Variants in LRRC4C observed in about 807,000 individuals in gnomAD.
LRRC4C encodes the protein leucine rich repeat containing 4C, also known as leucine-rich repeat-containing protein 4C.
A neutral mutation model predicts 33.6 loss-of-function variants in LRRC4C; 5 were observed. The observed-to-expected ratio is 0.15, with a 90% CI of 0.08 to 0.31. The LOEUF is 0.31. Ranked by LOEUF, LRRC4C falls within the 10% of genes least tolerant of loss-of-function variation. LRRC4C has a pLI of 1.00. For missense variants in LRRC4C, 560 were observed against 796.7 expected, an observed-to-expected ratio of 0.70 and a Z score of 3.58; for synonymous variants, 329 against 302.0, an observed-to-expected ratio of 1.09 and a Z score of -0.93.
chr11:40,640,267 A>T (rs762036453), intron 3 of LRRC4C, among the ~76,000 whole-genome samples: 2 of 152,146 alleles, frequency 1.3e-5, no homozygotes, highest in Non-Finnish European at 2.9e-5. Context: ...TTGTGTTAAG[A>T]TATTTCTCAT....
At chr11:41,104,809 A>G (rs1469353816) in intron 1 of LRRC4C, among the ~76,000 whole-genome samples, 1 of 151,994 alleles carries the variant, frequency 6.6e-6, no homozygotes, top group Admixed American at 6.6e-5. Flanking sequence ...TATGAAATCA[A>G]TATATCTCAA....
At chr11:40,365,067 G>A (rs1948146556) in intron 3 of LRRC4C, among the ~76,000 whole-genome samples, 1 of 146,332 alleles carries the variant, frequency 6.8e-6, no homozygotes, top group African/African-American at 2.5e-5. Flanking sequence ...AACCACTTCA[G>A]ACAGAAGGAA....
intron 1 of LRRC4C, among the ~76,000 whole-genome samples, chr11:41,301,198 G>A (rs1428505416): frequency 6.6e-6 from 1 of 152,146 alleles, no homozygotes; most frequent in African/African-American, 2.4e-5. Context: ...GAGTTGAAGT[G>A]GATGCTTGCC....
At chr11:40,865,908 A>G (rs1954340597) in intron 2 of LRRC4C, among the ~76,000 whole-genome samples, 1 of 152,022 alleles carries the variant, frequency 6.6e-6, no homozygotes, top group Admixed American at 6.6e-5. Context: ...CCGAAGAGTG[A>G]AAACTATGTT....
chr11:40,442,366 A>G (rs1256543563), intron 3 of LRRC4C, among the ~76,000 whole-genome samples: 2 of 152,132 alleles, frequency 1.3e-5, no homozygotes, highest in Non-Finnish European at 2.9e-5. Flanking sequence ...CTAATTTACA[A>G]AATATTTATG....
chr11:40,886,544 TTC>T (rs575029036), intron 2 of LRRC4C, among the ~76,000 whole-genome samples: 11 of 151,184 alleles, frequency 7.3e-5, no homozygotes, highest in Non-Finnish European at 1.3e-4. Flanking sequence ...CAAAAGGGAG[TTC>T]TCTCTTTTTT....
At chr11:40,451,634 C>T (rs891338566) in intron 3 of LRRC4C, among the ~76,000 whole-genome samples, 6 of 151,964 alleles carry the variant, frequency 3.9e-5, no homozygotes, top group Non-Finnish European at 7.4e-5. Flanking sequence ...GTCCACCCGC[C>T]TTGGCCTCCC....
chr11:40,644,910 G>A (rs1256134043), intron 3 of LRRC4C, among the ~76,000 whole-genome samples: 1 of 151,100 alleles, frequency 6.6e-6, no homozygotes, highest in Non-Finnish European at 1.5e-5. Flanking sequence ...TATTGTCATT[G>A]GGTATAAAGG....
chr11:40,826,416 G>T (rs1952171978), intron 2 of LRRC4C, among the ~76,000 whole-genome samples: 1 of 151,916 alleles, frequency 6.6e-6, no homozygotes, highest in South Asian at 2.1e-4. Flanking sequence ...TACTTTTGAG[G>T]CAGGAAGAGA....
At chr11:41,290,954 C>T (rs1420781300) in intron 1 of LRRC4C, among the ~76,000 whole-genome samples, 3 of 152,118 alleles carry the variant, frequency 2.0e-5, no homozygotes, top group African/African-American at 4.8e-5. Flanking sequence ...AATTCCAGAA[C>T]ATCAACTTTC....
chr11:40,755,867 C>T (rs1039603718), intron 2 of LRRC4C, among the ~76,000 whole-genome samples: 3 of 151,940 alleles, frequency 2.0e-5, no homozygotes, highest in African/African-American at 7.3e-5. Flanking sequence ...GCTAAATTGC[C>T]CCTCTCCTGC....
chr11:40,926,781 A>G (rs1156725800), intron 2 of LRRC4C, among the ~76,000 whole-genome samples: 2 of 152,182 alleles, frequency 1.3e-5, no homozygotes, highest in Admixed American at 1.3e-4. Flanking sequence ...AAACCTTAAA[A>G]GTTAAAAAAA....
intron 2 of LRRC4C, among the ~76,000 whole-genome samples, chr11:40,848,218 T>C (rs1953292704): frequency 6.6e-6 from 1 of 152,172 alleles, no homozygotes; most frequent in South Asian, 2.1e-4. Context: ...CTTGCTTCTC[T>C]AGTTCGTTTA....
intron 5 of LRRC4C, among the ~76,000 whole-genome samples, chr11:40,174,404 C>G (rs1393883983): frequency 6.6e-6 from 1 of 152,118 alleles, no homozygotes; most frequent in Admixed American, 6.6e-5. Context: ...CAGCTGTTAT[C>G]AATCCCTATA....
At chr11:40,833,214 A>G (rs1952497646) in intron 2 of LRRC4C, among the ~76,000 whole-genome samples, 1 of 152,168 alleles carries the variant, frequency 6.6e-6, no homozygotes, top group African/African-American at 2.4e-5. Flanking sequence ...CTGACTTAGC[A>G]TAGCTTCTCA....
At chr11:41,260,982 T>C (rs80074768) in intron 1 of LRRC4C, among the ~76,000 whole-genome samples, 2,553 of 152,256 alleles carry the variant, frequency 0.017, 71 homozygotes, top group African/African-American at 0.059. Flanking sequence ...ATTATTCTCT[T>C]TTAAGGCAGA....
chr11:40,783,357 A>T (rs1950294541), intron 2 of LRRC4C, among the ~76,000 whole-genome samples: 1 of 151,926 alleles, frequency 6.6e-6, no homozygotes, highest in Non-Finnish European at 1.5e-5. Context: ...ATGCAGTGGC[A>T]CCATCTCGGC....
intron 1 of LRRC4C, among the ~76,000 whole-genome samples, chr11:40,950,274 G>A (rs1031478988): frequency 6.6e-5 from 10 of 151,802 alleles, no homozygotes; most frequent in Admixed American, 6.6e-4. Context: ...ATTCTACTGA[G>A]CACCTACCAT....
At chr11:40,310,112 C>T (rs1204196557) in intron 4 of LRRC4C, among the ~76,000 whole-genome samples, 2 of 152,236 alleles carry the variant, frequency 1.3e-5, no homozygotes, top group Admixed American at 6.5e-5. Context: ...CCCCACTTCT[C>T]CACTTATTTC....
Sources: allele counts gnomAD v4.1 joint callset (sites outside exome capture counted in the v4.1 genomes callset), GRCh38; gene constraint gnomAD v4.1.1; transcripts MANE v1.5; gene names NCBI Gene and HGNC (gene_info 2026-07-23, HGNC 2026-07-21).